Variants in BARHL1 observed in about 807,000 individuals in gnomAD.
BARHL1 encodes the protein BarH like homeobox 1, also known as barH-like 1 homeobox protein.
Under a neutral mutation model 20.1 loss-of-function variants are expected in BARHL1, and 2 were observed. The observed-to-expected ratio is 0.10, with a 90% CI of 0.04 to 0.31. The LOEUF (loss-of-function observed/expected upper bound fraction) is 0.31. Among genes scored for constraint, BARHL1 ranks in the 10% least tolerant of loss-of-function variants. The pLI is 1.00. For synonymous variants in BARHL1, 213 were observed against 209.9 expected (o/e 1.01, Z -0.13); for missense variants, 397 against 454.0 (o/e 0.87, Z 1.14).
rs1331902350 is a variant in BARHL1 at position 132,587,893 on chromosome 9, G to C, written c.689+342G>C. Among the ~76,000 whole-genome samples the C allele has an allele frequency of 6.6e-6, 1 of 152,234 alleles. No homozygotes were observed. Among genetic ancestry groups the C allele is most frequent in the East Asian group, 1.9e-4 (1 of 5,186 alleles). On this transcript the variant is annotated intron_variant, in intron 2 of 2. Coordinates refer to ENST00000263610, the MANE Select transcript of BARHL1 (RefSeq NM_020064.4). The surrounding 1 kb of genome is among the most constrained non-coding windows in gnomAD (Gnocchi z 5.5). Reference sequence around the variant, plus strand: ...CCCCACCTGAGCCAGCGTGGGTCTTGGAAGCCCCAGGCCCTTGGAGGGGTG... The same window carrying C: ...CCCCACCTGAGCCAGCGTGGGTCTTCGAAGCCCCAGGCCCTTGGAGGGGTG...
chr9:132,582,892 G>T lies in BARHL1; in HGVS notation c.95G>T (p.Cys32Phe). ...LPKGDPLLGD[C>F]RSPLELSPRS... ...AAGGGGGACCCCTTGCTCGGGGACT[G>T]CCGTTCGCCCCTGGAGCTGAGTCCA... The change falls in exon 1 of 3, where the codon TGC becomes TTC. Residue 32 changes from cysteine to phenylalanine, a missense_variant. By Grantham distance (205) the Cys-to-Phe change is radical (BLOSUM62 -2). This residue lies in a region of BARHL1 where 272 missense variants were observed against 298.7 expected (regional missense o/e 0.91). Coordinates refer to ENST00000263610, the MANE Select transcript of BARHL1 (RefSeq NM_020064.4). The T allele has an allele frequency of 3.1e-6, 5 of 1,613,272 alleles. No individual in the cohort carries two copies. In the Middle Eastern group the frequency reaches 5.3e-4, roughly 171 times the overall value.
In BARHL1 at chr9:132,583,082, C is replaced by T. The variant is rs1260279139; in HGVS notation, c.285C>T (p.Ser95=). ...CCCAGTCGCGCACCGTCACCTCCTC[C>T]TTTCTGATCAGGGACATCCTTGCCG... is the stretch of plus-strand genomic sequence containing the variant. The part of the protein sequence containing the change: ...APAQSRTVTS[S]FLIRDILADC... The change falls in exon 1 of 3, where the codon TCC becomes TCT. Residue 95 remains serine (S), a synonymous_variant. Transcript: ENST00000263610. 1.2e-6 allele frequency: 2 copies of T among 1,613,832 alleles called. No individual in the cohort carries two copies. Among genetic ancestry groups the T allele is most frequent in the South Asian group, 2.2e-5 (2 of 91,094 alleles).
At position 132,582,688 on chromosome 9, in the gene BARHL1, G is replaced by C. The variant is rs1023907501; in HGVS notation, c.-110G>C. The C allele has an allele frequency of 1.7e-5, 18 of 1,043,032 alleles. No individual in the cohort carries two copies. Among genetic ancestry groups the C allele is most frequent in the Admixed American group, 2.7e-5 (1 of 36,470 alleles). 64.6% of individuals were successfully genotyped at this position (1,043,032 alleles called of 1,614,324 possible). ...TGAACTCCGTCCAAGGTGCCCGCAG[G>C]CTCCCTGCCCGCCTTCCCCATGCCA... On this transcript the variant is annotated 5_prime_UTR_variant, in exon 1 of 3. Coordinates refer to ENST00000263610, the MANE Select transcript of BARHL1 (RefSeq NM_020064.4).
Position 132,589,536 on chromosome 9 carries a change from T to G in BARHL1, c.*14T>G. 1 of 1,284,956 alleles carries G rather than the reference T, an allele frequency of 7.8e-7. No individual in the cohort carries two copies. Among genetic ancestry groups the G allele is most frequent in the Non-Finnish European group, 9.8e-7 (1 of 1,020,158 alleles). The allele number at this position is 1,284,956 out of a possible 1,614,324, so 79.6% of individuals were successfully genotyped here. On this transcript the variant is annotated 3_prime_UTR_variant, in exon 3 of 3. Transcript: ENST00000263610. ...CAGCCTCGGTGAGGCGCCCGTCGGCTCCGGGGCCTCCTCCCGCGGGCTCGG... is the reference window on the plus strand; with the variant it reads ...CAGCCTCGGTGAGGCGCCCGTCGGCGCCGGGGCCTCCTCCCGCGGGCTCGG...
At chr9:132,586,224 C>T (rs572300413) in intron 1 of BARHL1, among the ~76,000 whole-genome samples, 1 of 152,346 alleles carries the variant, frequency 6.6e-6, no homozygotes, top group East Asian at 1.9e-4. Flanking sequence ...GAGAAATCAC[C>T]TTGCATTCAG....
Position 132,587,693 on chromosome 9 carries a change from C to A in BARHL1, c.689+142C>A. 1 of 804,272 alleles carries A rather than the reference C, an allele frequency of 1.2e-6. No homozygotes were observed. The highest frequency in any genetic ancestry group is 2.0e-6 in the Non-Finnish European group (1 of 512,386). 49.8% of individuals were successfully genotyped at this position (804,272 alleles called of 1,614,324 possible). A position where few individuals can be genotyped will look rare whatever the true frequency, so the allele number is the denominator to read the frequency against. ...ATTCTGTAAAAGTGGGAAACTGAGTCCCTAAGGGGACAAGGCCTTGCCCAA... is the reference window on the plus strand; with the variant it reads ...ATTCTGTAAAAGTGGGAAACTGAGTACCTAAGGGGACAAGGCCTTGCCCAA... On this transcript the variant is annotated intron_variant, in intron 2 of 2. Transcript: ENST00000263610. The surrounding 1 kb of genome is among the most constrained non-coding windows in gnomAD (Gnocchi z 5.5).
In BARHL1 at chr9:132,587,205, C is replaced by G. The variant is rs1348166240; in HGVS notation, c.467-124C>G. ...AGGTCCCGTCTGAGAGCGGCCCCCG[C>G]GAGCTTGGGTGTCGCGGAACCACCG... On this transcript the variant is annotated intron_variant, in intron 1 of 2. Transcript: ENST00000263610. The surrounding 1 kb of genome is among the most constrained non-coding windows in gnomAD (Gnocchi z 5.5). The G allele has an allele frequency of 1.6e-5, 15 of 945,384 alleles. No homozygotes were observed. In the Admixed American group the frequency reaches 3.4e-4, roughly 21 times the overall value. 58.6% of individuals were successfully genotyped at this position (945,384 alleles called of 1,614,324 possible). A position where few individuals can be genotyped will look rare whatever the true frequency, so the allele number is the denominator to read the frequency against.
At chr9:132,589,126 T>C (rs991105740) in intron 2 of BARHL1, 102 bp from the exon 3 acceptor site, 19 of 1,497,834 alleles carry the variant, frequency 1.3e-5, no homozygotes, top group Non-Finnish European at 1.6e-5. Context: ...ACGATCCCTC[T>C]TGGCCTCCCT....
Position 132,582,774 on chromosome 9 carries a change from G to A in BARHL1, c.-24G>A. The A allele has an allele frequency of 6.4e-7, 1 of 1,551,500 alleles. No individual in the cohort carries two copies. Among genetic ancestry groups the A allele is most frequent in the South Asian group, 1.2e-5 (1 of 82,538 alleles). On this transcript the variant is annotated 5_prime_UTR_variant, in exon 1 of 3. Coordinates refer to ENST00000263610, the MANE Select transcript of BARHL1 (RefSeq NM_020064.4). ...GTTGGGGGTGGGTGGGGAGCTTTTG[G>A]GGAGGACAGGTCGCAGCTTGGCTAT...
rs757098264 is a variant in BARHL1 at position 132,582,845 on chromosome 9, C to A, written c.48C>A (p.Arg16=). 1.9e-6 allele frequency: 3 copies of A among 1,608,694 alleles called. No individual in the cohort carries two copies. Among genetic ancestry groups the A allele is most frequent in the Non-Finnish European group, 2.5e-6 (3 of 1,177,184 alleles). Residue 16 remains arginine, a synonymous_variant, in exon 1 of 3, where the codon CGC becomes CGA. Transcript: ENST00000263610. ...GGATCGACTCCATTCTCTCCCACCG[C>A]GCGGGCAGCCCCGCCCTTCCCAAGG... ...GFGIDSILSH[R]AGSPALPKGD... is the part of the protein sequence containing the mutation.
intron 2 of BARHL1, among the ~76,000 whole-genome samples, chr9:132,588,823 A>C (rs1294964467): frequency 6.6e-6 from 1 of 152,054 alleles, no homozygotes; most frequent in African/African-American, 2.4e-5. Context: ...AGGCCTCTCC[A>C]GGGTGATCCT....
In BARHL1 at chr9:132,587,487, A is replaced by G; in HGVS notation, c.625A>G (p.Met209Val). 6.2e-7 allele frequency: 1 copy of G among 1,612,686 alleles called. No homozygotes were observed. The highest frequency in any genetic ancestry group is 1.1e-5 in the South Asian group (1 of 90,822). ...RQKYLSVQDR[M>V]ELAASLNLTD... ...GAAGTACCTGAGCGTGCAGGACCGCATGGAGCTCGCCGCCTCGCTCAACCT... is the reference window on the plus strand; with the variant it reads ...GAAGTACCTGAGCGTGCAGGACCGCGTGGAGCTCGCCGCCTCGCTCAACCT... The change falls in exon 2 of 3, where the codon ATG becomes GTG. Residue 209 changes from methionine (M) to valine (V), a missense_variant. By Grantham distance (21) the Met-to-Val change is conservative (BLOSUM62 1). Transcript: ENST00000263610. The surrounding 1 kb of genome is among the most constrained non-coding windows in gnomAD (Gnocchi z 5.5).
chr9:132,586,731 T>G (rs866939784), intron 1 of BARHL1, among the ~76,000 whole-genome samples: 3 of 152,348 alleles, frequency 2.0e-5, no homozygotes, highest in Middle Eastern at 3.4e-3. Flanking sequence ...GTAGCGAGTG[T>G]CGGGAGAAAT....
chr9:132,587,180 A>G lies in BARHL1; in HGVS notation c.467-149A>G. 2 of 778,912 alleles carry G rather than the reference A, an allele frequency of 2.6e-6. No homozygotes were observed. The highest frequency in any genetic ancestry group is 4.1e-6 in the Non-Finnish European group (2 of 489,294). The allele number at this position is 778,912 out of a possible 1,614,324, so 48.3% of individuals were successfully genotyped here. A position where few individuals can be genotyped will look rare whatever the true frequency, so the allele number is the denominator to read the frequency against. The stretch of plus-strand genomic sequence containing the variant: ...TCATGTCCTGTTCCCGGGGCCCCAG[A>G]GGTCCCGTCTGAGAGCGGCCCCCGC... On this transcript the variant is annotated intron_variant, in intron 1 of 2. Coordinates refer to ENST00000263610, the MANE Select transcript of BARHL1 (RefSeq NM_020064.4). The surrounding 1 kb of genome is among the most constrained non-coding windows in gnomAD (Gnocchi z 5.5).
At position 132,582,892 on chromosome 9, in the gene BARHL1, G is replaced by A. The variant is rs747414177; in HGVS notation, c.95G>A (p.Cys32Tyr). The A allele has an allele frequency of 4.3e-6, 7 of 1,613,270 alleles. No individual in the cohort carries two copies. Among genetic ancestry groups the A allele is most frequent in the Non-Finnish European group, 5.9e-6 (7 of 1,179,924 alleles). ...LPKGDPLLGD[C>Y]RSPLELSPRS... ...AAGGGGGACCCCTTGCTCGGGGACT[G>A]CCGTTCGCCCCTGGAGCTGAGTCCA... The change falls in exon 1 of 3, where the codon TGC becomes TAC. Residue 32 changes from cysteine (C) to tyrosine (Y), a missense_variant. Coordinates refer to ENST00000263610, the MANE Select transcript of BARHL1 (RefSeq NM_020064.4).
chr9:132,588,709 G>C (rs118056382), intron 2 of BARHL1, among the ~76,000 whole-genome samples: 2 of 152,130 alleles, frequency 1.3e-5, no homozygotes, highest in African/African-American at 2.4e-5. Flanking sequence ...GGTCCTCTCC[G>C]GTTGCCATTT....
chr9:132,583,863 A>C (rs1479753353), intron 1 of BARHL1, among the ~76,000 whole-genome samples: 1 of 152,228 alleles, frequency 6.6e-6, no homozygotes, highest in Non-Finnish European at 1.5e-5. Context: ...GGAGCAGGTC[A>C]GGGGGCTAGT....
At position 132,589,244 on chromosome 9, in the gene BARHL1, C is replaced by G; in HGVS notation, c.706C>G (p.Gln236Glu). The G allele has an allele frequency of 3.7e-6, 6 of 1,611,974 alleles. No homozygotes were observed. The highest frequency in any genetic ancestry group is 5.1e-6 in the Non-Finnish European group (6 of 1,179,288). Residue 236 changes from glutamine to glutamate, a missense_variant, in exon 3 of 3, where the codon CAG becomes GAG. Gln to Glu is a conservative substitution (Grantham distance 29, BLOSUM62 2). Coordinates refer to ENST00000263610, the MANE Select transcript of BARHL1 (RefSeq NM_020064.4). ...YQNRRTKWKR[Q>E]TAVGLELLAE... Reference sequence around the variant, plus strand: ...GGCCCCCAGGACTAAATGGAAGCGACAGACGGCCGTCGGGTTGGAGCTGCT... The same window carrying G: ...GGCCCCCAGGACTAAATGGAAGCGAGAGACGGCCGTCGGGTTGGAGCTGCT...
chr9:132,583,246 C>T lies in BARHL1; in HGVS notation c.449C>T (p.Ser150Leu), dbSNP rs1830094939. Residue 150 changes from serine to leucine, a missense_variant, in exon 1 of 3, where the codon TCG becomes TTG. Physicochemically the swap from Ser to Leu is moderately radical, Grantham distance 145 (BLOSUM62 -2). This residue lies in a region of BARHL1 where 272 missense variants were observed against 298.7 expected (regional missense o/e 0.91). Coordinates refer to ENST00000263610, the MANE Select transcript of BARHL1 (RefSeq NM_020064.4). Reference sequence around the variant, plus strand: ...GACAAAAGTGGCAGCAACGCCTCATCGGACTCTGAGTATAAAGGTAAGAAA... The same window carrying T: ...GACAAAAGTGGCAGCAACGCCTCATTGGACTCTGAGTATAAAGGTAAGAAA... ...KLDKSGSNASSDSEYKVKEEG... is the reference protein window; with the variant it reads ...KLDKSGSNASLDSEYKVKEEG... 1.2e-6 allele frequency: 2 copies of T among 1,611,622 alleles called. No individual in the cohort carries two copies. The highest frequency in any genetic ancestry group is 1.7e-6 in the Non-Finnish European group (2 of 1,178,796).
Sources: gnomAD v4.1 joint callset for allele counts (sites outside exome capture counted in the v4.1 genomes callset) on GRCh38, gnomAD v4.1.1 for gene constraint, gnomAD v4.1.1 regional missense constraint, Gnocchi (gnomAD v3.1) non-coding constraint, MANE v1.5 for transcripts, NCBI Gene and HGNC (gene_info 2026-07-23, HGNC 2026-07-21) for gene names.